PON3: variants seen among roughly 807,000 people sequenced by gnomAD.
PON3 encodes the protein serum paraoxonase/lactonase 3.
In PON3, 37 loss-of-function variants were observed where a neutral mutation model predicts 36.3. The observed-to-expected ratio is 1.02, with a 90% confidence interval of 0.78 to 1.34. The LOEUF (loss-of-function observed/expected upper bound fraction) is 1.34, where lower values mean the gene tolerates loss of function less well. Ranked by LOEUF, PON3 falls within the 40% of genes most tolerant of loss-of-function variation. The pLI, the probability that PON3 is intolerant of heterozygous loss-of-function variation, is 0.00. For missense variants in PON3, 415 were observed against 426.5 expected (o/e 0.97, Z 0.24); for synonymous variants, 155 against 154.8 (o/e 1.00, Z -0.01).
At chr7:95,391,804 T>A (rs1355827216) in intron 2 of PON3, among the ~76,000 whole-genome samples, 2 of 152,238 alleles carry the variant, frequency 1.3e-5, no homozygotes, top group East Asian at 3.8e-4. Flanking sequence ...GATTAACCTG[T>A]ATCTAGTAAT....
chr7:95,361,110 A>C (rs1808561387), intron 8 of PON3, among the ~76,000 whole-genome samples: 1 of 152,152 alleles, frequency 6.6e-6, no homozygotes, highest in South Asian at 2.1e-4. Context: ...CTTTTAAAGG[A>C]AAGTTTTGTC....
chr7:95,362,365 T>C lies in PON3; in HGVS notation c.903A>G (p.Ser301=), dbSNP rs1369905009. The C allele has an allele frequency of 6.2e-7, 1 of 1,613,736 alleles. No homozygotes were observed. Among genetic ancestry groups the C allele is most frequent in the Non-Finnish European group, 8.5e-7 (1 of 1,179,712 alleles). Residue 301 remains serine (S), a synonymous_variant, in exon 8 of 9, where the codon TCA becomes TCG. Transcript: ENST00000265627. ...LNYNPEDPPG[S]EVLRIQNVLS... is the part of the protein sequence containing the mutation. Reference sequence around the variant, plus strand: ...TCAGAGAGGTATAGGAACTTACTTCTGATCCTGGAGGGTCCTCAGGGTTAT... The same window carrying C: ...TCAGAGAGGTATAGGAACTTACTTCCGATCCTGGAGGGTCCTCAGGGTTAT...
At chr7:95,389,875 G>A (rs1308783913) in intron 3 of PON3, among the ~76,000 whole-genome samples, 1 of 152,200 alleles carries the variant, frequency 6.6e-6, no homozygotes, top group African/African-American at 2.4e-5. Context: ...CTGGAGACTA[G>A]CCTAGGAATC....
At chr7:95,396,202 C>A (rs1410142434) in intron 1 of PON3, 75 bp downstream of exon 1, 4 of 1,508,408 alleles carry the variant, frequency 2.7e-6, no homozygotes, top group African/African-American at 2.8e-5. Context: ...AGGAAGGGGG[C>A]GCCAGGCAGC....
At chr7:95,388,806 G>A (rs1809257059) in intron 3 of PON3, among the ~76,000 whole-genome samples, 1 of 152,152 alleles carries the variant, frequency 6.6e-6, no homozygotes, top group Admixed American at 6.5e-5. Flanking sequence ...GGATGAAACT[G>A]AAAACTATAA....
intron 2 of PON3, among the ~76,000 whole-genome samples, chr7:95,390,777 G>C (rs910204329): frequency 6.6e-6 from 1 of 152,138 alleles, no homozygotes; most frequent in African/African-American, 2.4e-5. Flanking sequence ...TTCTCAGTAA[G>C]AGCTAGTTTT....
intron 4 of PON3, among the ~76,000 whole-genome samples, chr7:95,371,928 ACAGT>A (rs1438090046): frequency 1.3e-5 from 2 of 152,130 alleles, no homozygotes; most frequent in Non-Finnish European, 2.9e-5. Flanking sequence ...ACAGGTTGTG[ACAGT>A]CAAACAAGAA....
Position 95,363,782 on chromosome 7 carries a change from A to G in PON3, c.695+81T>C. The G allele has an allele frequency of 3.7e-6, 5 of 1,337,440 alleles. No individual in the cohort carries two copies. In the South Asian group the frequency reaches 5.9e-5, roughly 16 times the overall value. The allele number at this position is 1,337,440 out of a possible 1,614,324, so 82.8% of individuals were successfully genotyped here. ...ATATATTCACTACGTAAGCCTAAGT[A>G]AGGAAGTAACTTCCTCGTAAGGAAA... On this transcript the variant is annotated intron_variant, in intron 6 of 8. Coordinates refer to ENST00000265627, the MANE Select transcript of PON3 (RefSeq NM_000940.3).
intron 3 of PON3, among the ~76,000 whole-genome samples, chr7:95,379,749 C>A (rs189603410): frequency 6.6e-6 from 1 of 152,210 alleles, no homozygotes; most frequent in South Asian, 2.1e-4. Flanking sequence ...AGGATGCCTG[C>A]CTGCCTCTGT....
At chr7:95,393,693 T>C (rs1051431597) in intron 2 of PON3, among the ~76,000 whole-genome samples, 1 of 152,074 alleles carries the variant, frequency 6.6e-6, no homozygotes. Flanking sequence ...AGGAAAAGTC[T>C]AGAAGCAGAG....
intron 3 of PON3, among the ~76,000 whole-genome samples, chr7:95,382,151 C>A (rs529493776): frequency 2.0e-5 from 3 of 152,054 alleles, no homozygotes; most frequent in Non-Finnish European, 4.4e-5. Flanking sequence ...TCTTTGAAAC[C>A]GACGAGAACA....
chr7:95,383,072 C>T (rs959644452), intron 3 of PON3, among the ~76,000 whole-genome samples: 9 of 152,086 alleles, frequency 5.9e-5, no homozygotes, highest in Non-Finnish European at 1.0e-4. Context: ...AAATGTAATT[C>T]GGCATATAAA....
chr7:95,383,040 G>T (rs1033644420), intron 3 of PON3, among the ~76,000 whole-genome samples: 4 of 152,106 alleles, frequency 2.6e-5, no homozygotes, highest in Non-Finnish European at 5.9e-5. Context: ...ATGCAAGGCT[G>T]GTCCAACATA....
chr7:95,362,618 T>C, intron 7 of PON3, 128 bp from the exon 8 acceptor site: 1 of 1,461,440 alleles, frequency 6.8e-7, no homozygotes, highest in Non-Finnish European at 9.5e-7. Context: ...GCTTTGCTTC[T>C]GTATTTTAGA....
At chr7:95,377,954 C>A (rs375855233) in intron 3 of PON3, among the ~76,000 whole-genome samples, 1 of 152,134 alleles carries the variant, frequency 6.6e-6, no homozygotes, top group African/African-American at 2.4e-5. Flanking sequence ...TAATAACAAA[C>A]TTCTCCGAGC....
intron 3 of PON3, among the ~76,000 whole-genome samples, chr7:95,387,671 C>G (rs936974732): frequency 1.3e-5 from 2 of 152,110 alleles, no homozygotes; most frequent in African/African-American, 4.8e-5. Flanking sequence ...CCCGCATAGC[C>G]AAGACAATTC....
chr7:95,360,034 A>T lies in PON3; in HGVS notation c.1004T>A (p.Val335Glu). The part of the protein sequence containing the change: ...SVLQGTSVAS[V>E]YHGKILIGTV... ...GCCTATGAGAATTTTCCCATGGTACACAGAAGCCACAGAGGTGCCCTGAAG... is the reference window on the plus strand; with the variant it reads ...GCCTATGAGAATTTTCCCATGGTACTCAGAAGCCACAGAGGTGCCCTGAAG... Residue 335 changes from valine (V) to glutamate (E), a missense_variant, in exon 9 of 9, where the codon GTG becomes GAG. Coordinates refer to ENST00000265627, the MANE Select transcript of PON3 (RefSeq NM_000940.3). 1 of 1,613,562 alleles carries T rather than the reference A, an allele frequency of 6.2e-7. No individual in the cohort carries two copies. The highest frequency in any genetic ancestry group is 8.5e-7 in the Non-Finnish European group (1 of 1,179,790).
chr7:95,379,278 G>A (rs1208989468), intron 3 of PON3, among the ~76,000 whole-genome samples: 1 of 152,244 alleles, frequency 6.6e-6, no homozygotes, highest in African/African-American at 2.4e-5. Flanking sequence ...CAGCATGAGC[G>A]ACACAGAAGA....
intron 4 of PON3, 34 bp downstream of exon 4, chr7:95,372,139 A>G (rs1381080569): frequency 6.3e-7 from 1 of 1,599,048 alleles, no homozygotes; most frequent in Admixed American, 1.7e-5. Flanking sequence ...TATTTCCCTC[A>G]TTTCCCCCTT....
Sources: allele counts gnomAD v4.1 joint callset (sites outside exome capture counted in the v4.1 genomes callset), GRCh38; gene constraint gnomAD v4.1.1; transcripts MANE v1.5; gene names NCBI Gene and HGNC (gene_info 2026-07-23, HGNC 2026-07-21).